Variants in ERG28 observed in about 807,000 individuals in gnomAD.
The protein encoded by ERG28 is ergosterol biosynthesis 28 homolog.
ERG28 carries 9 observed loss-of-function variants against 15.7 expected under a neutral mutation model. The ratio of observed to expected loss-of-function variants is 0.57; its 90% confidence interval spans 0.35 to 1.00. The LOEUF is 1.00. Ranked by LOEUF, ERG28 falls within the 50% of genes least tolerant of loss-of-function variation. ERG28 has a pLI of 0.02. For missense variants in ERG28, 117 were observed against 173.3 expected (o/e 0.68, Z 1.82); for synonymous variants, 61 against 68.4 (o/e 0.89, Z 0.53).
In ERG28 at chr14:75,651,465, A is replaced by G; in HGVS notation, c.*90T>C. 4 of 1,284,424 alleles carry G rather than the reference A, an allele frequency of 3.1e-6. No individual in the cohort carries two copies. Among genetic ancestry groups the G allele is most frequent in the Non-Finnish European group, 4.4e-6 (4 of 908,318 alleles). 79.6% of individuals were successfully genotyped at this position (1,284,424 alleles called of 1,614,324 possible). ...AAGTGAATAAAAGGGCAGATGATGG[A>G]ATAGAAAAGAAATTAAAGAGGAGAG... On this transcript the variant is annotated 3_prime_UTR_variant, in exon 5 of 5. Coordinates refer to ENST00000256319, the MANE Select transcript of ERG28 (RefSeq NM_007176.4).
chr14:75,657,518 T>A lies in ERG28; in HGVS notation c.-16A>T, dbSNP rs1890614302. On this transcript the variant is annotated 5_prime_UTR_variant, in exon 2 of 5. Transcript: ENST00000256319. ...AACGGCTCATGACTCCCCTCAAACG[T>A]GGGAGGGCTTTTTGCCTTGGAAACA... is the stretch of plus-strand genomic sequence containing the variant. The A allele has an allele frequency of 6.2e-7, 1 of 1,613,030 alleles. No individual in the cohort carries two copies. Among genetic ancestry groups the A allele is most frequent in the Admixed American group, 1.7e-5 (1 of 59,920 alleles).
chr14:75,651,688 C>T, intron 4 of ERG28, 54 bp from the exon 5 acceptor site: 2 of 1,593,554 alleles, frequency 1.3e-6, no homozygotes, highest in Non-Finnish European at 1.7e-6. Flanking sequence ...CCTTTCTTCT[C>T]TCTCTCTCCT....
chr14:75,651,658 T>A, intron 4 of ERG28, 24 bp from the exon 5 acceptor site: 1 of 1,606,224 alleles, frequency 6.2e-7, no homozygotes, highest in Non-Finnish European at 8.5e-7. Context: ...GAAAGACTAG[T>A]GACTAACATA....
chr14:75,658,074 C>T (rs888163995), intron 1 of ERG28, among the ~76,000 whole-genome samples: 2 of 152,168 alleles, frequency 1.3e-5, no homozygotes, highest in Non-Finnish European at 2.9e-5. Context: ...CTGAACAGAG[C>T]CCCTCTTGGC....
intron 3 of ERG28, among the ~76,000 whole-genome samples, chr14:75,654,406 C>T (rs779786176): frequency 6.6e-6 from 1 of 152,200 alleles, no homozygotes; most frequent in African/African-American, 2.4e-5. Context: ...CAGGTAGATT[C>T]AGGAGCCCTA....
intron 2 of ERG28, 27 bp from the exon 3 acceptor site, chr14:75,655,003 T>C (rs979186771): frequency 1.9e-6 from 3 of 1,590,628 alleles, no homozygotes; most frequent in Non-Finnish European, 1.7e-6. Context: ...AGCAAGAGTG[T>C]TCAGAAGGGG....
rs1890612403 is a variant in ERG28, at chr14:75,657,362, T to C, written c.133+8A>G. On this transcript the variant is annotated splice_region_variant and intron_variant, in intron 2 of 4. Coordinates refer to ENST00000256319, the MANE Select transcript of ERG28 (RefSeq NM_007176.4). ...TATAAAGGATGCAGAAATTCTTTGA[T>C]TTCTTACCAAGGTTTGGCTTGCCAG... The C allele has an allele frequency of 6.2e-7, 1 of 1,613,924 alleles. No homozygotes were observed. The highest frequency in any genetic ancestry group is 8.5e-7 in the Non-Finnish European group (1 of 1,179,888).
At chr14:75,657,251 G>T in intron 2 of ERG28, 119 bp downstream of exon 2, 2 of 1,265,788 alleles carry the variant, frequency 1.6e-6, no homozygotes, top group Non-Finnish European at 2.2e-6. Context: ...AGGGAAATGG[G>T]TACCTGTGTT....
chr14:75,654,478 C>T (rs553393223), intron 3 of ERG28, among the ~76,000 whole-genome samples: 1 of 152,308 alleles, frequency 6.6e-6, no homozygotes, highest in African/African-American at 2.4e-5. Flanking sequence ...CTTGTGGGTT[C>T]CTCTTTTTTC....
At chr14:75,653,582 T>G in intron 3 of ERG28, among the ~76,000 whole-genome samples, 1 of 149,984 alleles carries the variant, frequency 6.7e-6, no homozygotes, top group Admixed American at 6.7e-5. Flanking sequence ...TACTCCAGCT[T>G]GGGTGACAGA....
intron 1 of ERG28, among the ~76,000 whole-genome samples, chr14:75,658,112 CTG>C (rs1890620964): frequency 6.6e-6 from 1 of 152,192 alleles, no homozygotes; most frequent in South Asian, 2.1e-4. Flanking sequence ...AATCCTAAAA[CTG>C]AGCTCCTGGC....
At chr14:75,655,948 T>G (rs1890590254) in intron 2 of ERG28, among the ~76,000 whole-genome samples, 1 of 152,210 alleles carries the variant, frequency 6.6e-6, no homozygotes, top group Non-Finnish European at 1.5e-5. Flanking sequence ...TAATGTTTAC[T>G]TGGGCTTTAA....
chr14:75,652,527 A>G (rs1890540590), intron 3 of ERG28, among the ~76,000 whole-genome samples: 1 of 152,238 alleles, frequency 6.6e-6, no homozygotes. Flanking sequence ...GTGACTGACC[A>G]CTTTGTTTGC....
At chr14:75,657,573 A>C in intron 1 of ERG28, 40 bp from the exon 2 acceptor site, 2 of 1,573,316 alleles carry the variant, frequency 1.3e-6, no homozygotes, top group Non-Finnish European at 1.7e-6. Flanking sequence ...AATGAGGGCC[A>C]GTCTATGTTA....
At position 75,651,148 on chromosome 14, in the gene ERG28, C is replaced by CCGTATCATTAAAAAA; in HGVS notation, c.*406_*407insTTTTTTAATGATACG. ...CCCTTGAGGCAGCCCTTGGTCACAG[C>CCGTATCATTAAAAAA]TGCTCTGGGTGGGCAGCAGGTTTAA... is the stretch of plus-strand genomic sequence containing the variant. On this transcript the variant is annotated 3_prime_UTR_variant, in exon 5 of 5. Coordinates refer to ENST00000256319, the MANE Select transcript of ERG28 (RefSeq NM_007176.4). 8 of 166,240 alleles carry CCGTATCATTAAAAAA rather than the reference C, an allele frequency of 4.8e-5. No homozygotes were observed. Among genetic ancestry groups the CCGTATCATTAAAAAA allele is most frequent in the South Asian group, 1.4e-4 (1 of 7,038 alleles). 10.3% of individuals were successfully genotyped at this position (166,240 alleles called of 1,614,324 possible). A position where few individuals can be genotyped will look rare whatever the true frequency, so the allele number is the denominator to read the frequency against.
In ERG28 at chr14:75,650,447, T is replaced by A. The variant is rs559698378; in HGVS notation, c.*1108A>T. On this transcript the variant is annotated 3_prime_UTR_variant, in exon 5 of 5. Coordinates refer to ENST00000256319, the MANE Select transcript of ERG28 (RefSeq NM_007176.4). The stretch of plus-strand genomic sequence containing the variant: ...GCTGAAATAGCAATGGCCTTTTGGA[T>A]ACACACACTGTGTATGAGGGTCCAG... 6.6e-6 allele frequency: 1 copy of A among 152,392 alleles called. No individual in the cohort carries two copies. Among genetic ancestry groups the A allele is most frequent in the South Asian group, 2.1e-4 (1 of 4,828 alleles). The allele number at this position is 152,392 out of a possible 1,614,324, so 9.4% of individuals were successfully genotyped here.
At chr14:75,652,470 T>G (rs994258853) in intron 3 of ERG28, among the ~76,000 whole-genome samples, 3 of 152,234 alleles carry the variant, frequency 2.0e-5, no homozygotes, top group African/African-American at 7.2e-5. Flanking sequence ...GGAAAAGAAC[T>G]TATCTTTCAG....
chr14:75,655,603 T>C (rs1469983512), intron 2 of ERG28, among the ~76,000 whole-genome samples: 2 of 152,250 alleles, frequency 1.3e-5, no homozygotes, highest in African/African-American at 4.8e-5. Context: ...GACATTGCTG[T>C]ATTAAATATC....
At position 75,654,872 on chromosome 14, in the gene ERG28, C is replaced by G. The variant is rs760299308; in HGVS notation, c.224+14G>C. The G allele has an allele frequency of 1.2e-6, 2 of 1,604,174 alleles. No homozygotes were observed. Among genetic ancestry groups the G allele is most frequent in the Non-Finnish European group, 1.7e-6 (2 of 1,170,946 alleles). ...CAACAAAAGGATGCTAAAGCTCTTC[C>G]TTCCCTTACATACGTCTTGTTGTGA... On this transcript the variant is annotated intron_variant, in intron 3 of 4. Transcript: ENST00000256319.
Sources: gnomAD v4.1 joint callset for allele counts (sites outside exome capture counted in the v4.1 genomes callset) on GRCh38, gnomAD v4.1.1 for gene constraint, MANE v1.5 for transcripts, NCBI Gene and HGNC (gene_info 2026-07-23, HGNC 2026-07-21) for gene names.